The following RALGAPA2 variants were observed in gnomAD, a reference collection of about 807,000 sequenced individuals.
RALGAPA2 encodes ral GTPase-activating protein subunit alpha-2.
RALGAPA2 carries 139 observed loss-of-function variants against 230.4 expected under a neutral mutation model. The observed-to-expected ratio is 0.60, with a 90% CI of 0.53 to 0.69. RALGAPA2 has a LOEUF of 0.69. RALGAPA2 is among the 30% of genes least tolerant of loss of function. RALGAPA2 has a pLI of 0.00. For missense variants in RALGAPA2, 2,163 were observed against 2,276.0 expected, an observed-to-expected ratio of 0.95 and a Z score of 1.01; for synonymous variants, 847 against 837.8, an observed-to-expected ratio of 1.01 and a Z score of -0.19.
chr20:20,711,508 C>G (rs999629102), intron 1 of RALGAPA2, among the ~76,000 whole-genome samples: 10 of 152,154 alleles, frequency 6.6e-5, no homozygotes, highest in African/African-American at 2.2e-4. Context: ...ATAGCCTAGG[C>G]GAACCAGCTA....
At chr20:20,417,031 A>T (rs909238979) in intron 37 of RALGAPA2, among the ~76,000 whole-genome samples, 1 of 152,158 alleles carries the variant, frequency 6.6e-6, no homozygotes, top group Non-Finnish European at 1.5e-5. Context: ...AGCCATTCTC[A>T]TGACTCTAAC....
rs766186388 is a variant in RALGAPA2 at position 20,412,020 on chromosome 20, C to T, written c.5617+7G>A. On this transcript the variant is annotated splice_region_variant and intron_variant, in intron 38 of 39. Transcript: ENST00000202677. The stretch of plus-strand genomic sequence containing the variant: ...GCGCGTGAGAGAAGAATAATGTAGA[C>T]ACTCACCCGTTCCGCTGAGGGAGTA... The T allele has an allele frequency of 6.2e-7, 1 of 1,613,934 alleles. No individual in the cohort carries two copies. Among genetic ancestry groups the T allele is most frequent in the Non-Finnish European group, 8.5e-7 (1 of 1,179,826 alleles).
chr20:20,670,130 G>A (rs192037412), intron 3 of RALGAPA2, among the ~76,000 whole-genome samples: 2 of 152,340 alleles, frequency 1.3e-5, no homozygotes, highest in Admixed American at 6.5e-5. Flanking sequence ...CCATGAGGAC[G>A]GGAGGCTCTG....
intron 1 of RALGAPA2, among the ~76,000 whole-genome samples, chr20:20,709,281 T>C (rs1263364954): frequency 1.3e-5 from 2 of 151,422 alleles, no homozygotes; most frequent in Non-Finnish European, 2.9e-5. Flanking sequence ...ACGGCACCAC[T>C]GCACTCCAGC....
intron 37 of RALGAPA2, among the ~76,000 whole-genome samples, chr20:20,419,490 T>C (rs1268836335): frequency 6.6e-6 from 1 of 152,134 alleles, no homozygotes; most frequent in Non-Finnish European, 1.5e-5. Flanking sequence ...AGGGATTTCA[T>C]TTCAGAAATA....
At chr20:20,547,134 G>T (rs949043002) in intron 23 of RALGAPA2, among the ~76,000 whole-genome samples, 2 of 152,182 alleles carry the variant, frequency 1.3e-5, no homozygotes, top group African/African-American at 4.8e-5. Flanking sequence ...AGCTACAGGA[G>T]TAATGAGGTA....
rs750993022 is a variant in RALGAPA2, at chr20:20,591,147, T to A, written c.2341+30A>T. The A allele has an allele frequency of 2.5e-6, 4 of 1,607,836 alleles. No individual in the cohort carries two copies. The South Asian group carries it at 3.3e-5, about 13-fold the overall frequency. ...TTATTCCTCTGCCAGAATCTATAGT[T>A]CTGTATTAAACACTGAAGACATCAT... On this transcript the variant is annotated intron_variant, in intron 17 of 39. Transcript: ENST00000202677.
Position 20,653,531 on chromosome 20 carries a change from T to C in RALGAPA2, c.327A>G (p.Ile109Met), listed in dbSNP as rs747747326. 3.4e-6 allele frequency: 5 copies of C among 1,481,630 alleles called. No individual in the cohort carries two copies. The highest frequency in any genetic ancestry group is 1.2e-5 in the South Asian group (1 of 80,920). 91.8% of individuals were successfully genotyped at this position (1,481,630 alleles called of 1,614,324 possible). The change falls in exon 4 of 40, where the codon ATA becomes ATG. Residue 109 changes from isoleucine (I) to methionine (M), a missense_variant and splice_region_variant. By Grantham distance (10) the Ile-to-Met change is conservative (BLOSUM62 1). Transcript: ENST00000202677. Reference protein sequence around the residue: ...RIFFRWHYQSIGSTLKKLLHT... With the variant: ...RIFFRWHYQSMGSTLKKLLHT... ...TAAAAAATTTTTAATTGTTCTTACC[T>C]ATACTCTGGTAATGCCATCGAAAGA... is the stretch of plus-strand genomic sequence containing the variant.
At chr20:20,413,870 T>A (rs2060113395) in intron 37 of RALGAPA2, among the ~76,000 whole-genome samples, 1 of 152,244 alleles carries the variant, frequency 6.6e-6, no homozygotes, top group South Asian at 2.1e-4. Context: ...TGACTCGCCT[T>A]AATGAACAGG....
chr20:20,712,626 C>G lies in RALGAPA2; in HGVS notation c.-146G>C. On this transcript the variant is annotated 5_prime_UTR_variant, in exon 1 of 40. Transcript: ENST00000202677. This position sits in a 1 kb window ranked among gnomAD's most constrained non-coding sequence, Gnocchi z 5.5. ...GCTGCCGCCGCCGCCGCCGCCGCCGCCGCCTCAGCTGTGTCTCCAGGAAGG... is the reference window on the plus strand; with the variant it reads ...GCTGCCGCCGCCGCCGCCGCCGCCGGCGCCTCAGCTGTGTCTCCAGGAAGG... The G allele has an allele frequency of 8.4e-7, 1 of 1,190,426 alleles. No homozygotes were observed. Among genetic ancestry groups the G allele is most frequent in the Non-Finnish European group, 1.0e-6 (1 of 957,424 alleles). The allele number at this position is 1,190,426 out of a possible 1,614,324, so 73.7% of individuals were successfully genotyped here.
At chr20:20,664,856 T>G (rs941379223) in intron 3 of RALGAPA2, among the ~76,000 whole-genome samples, 1 of 152,160 alleles carries the variant, frequency 6.6e-6, no homozygotes, top group African/African-American at 2.4e-5. Context: ...ACCTGCAGGT[T>G]GTCTTGGGAC....
chr20:20,624,257 G>A (rs1008056362), intron 10 of RALGAPA2, among the ~76,000 whole-genome samples: 1 of 150,814 alleles, frequency 6.6e-6, no homozygotes, highest in African/African-American at 2.4e-5. Context: ...AACCCGGGAG[G>A]TGGAGGTTGC....
rs188271429 is a variant in RALGAPA2 at position 20,581,123 on chromosome 20, A to G, written c.2707+1927T>C. ...ATATTAGTATTTCAAAGAAGAACGG[A>G]GTATTTGGAGGAGTTAATCACAACA... On this transcript the variant is annotated intron_variant, in intron 20 of 39. Coordinates refer to ENST00000202677, the MANE Select transcript of RALGAPA2 (RefSeq NM_020343.4). Among the ~76,000 whole-genome samples, 155 of 152,320 alleles carry G rather than the reference A, an allele frequency of 1.0e-3. 1 individual carries two copies. Among genetic ancestry groups the G allele is most frequent in the South Asian group, 2.7e-3 (13 of 4,828 alleles).
At chr20:20,475,314 T>G (rs2061626405) in intron 36 of RALGAPA2, among the ~76,000 whole-genome samples, 1 of 152,178 alleles carries the variant, frequency 6.6e-6, no homozygotes, top group Non-Finnish European at 1.5e-5. Flanking sequence ...AAATCCTTTA[T>G]AATTTTTTTG....
rs116430496 is a variant in RALGAPA2, at chr20:20,541,817, A to C, written c.3285+4887T>G. On this transcript the variant is annotated intron_variant, in intron 24 of 39. Coordinates refer to ENST00000202677, the MANE Select transcript of RALGAPA2 (RefSeq NM_020343.4). ...TAGCCCACCTAGCCACACTGACAGAAAATGACCACCATGTGTGATATTATC... is the reference window on the plus strand; with the variant it reads ...TAGCCCACCTAGCCACACTGACAGACAATGACCACCATGTGTGATATTATC... Among the ~76,000 whole-genome samples, 525 of 152,350 alleles carry C rather than the reference A, an allele frequency of 3.4e-3. 2 individuals are homozygous for C. Among genetic ancestry groups the C allele is most frequent in the African/African-American group, 0.012 (505 of 41,582 alleles).
At chr20:20,536,923 G>T in intron 24 of RALGAPA2, 139 bp from the exon 25 acceptor site, 1 of 1,017,874 alleles carries the variant, frequency 9.8e-7, no homozygotes, top group Non-Finnish European at 1.4e-6. Flanking sequence ...GCATATTTAA[G>T]CAAAAGAGGT....
Position 20,526,378 on chromosome 20 carries a change from G to C in RALGAPA2, c.3583-16C>G. The C allele has an allele frequency of 6.6e-7, 1 of 1,506,262 alleles. No individual in the cohort carries two copies. Among genetic ancestry groups the C allele is most frequent in the Non-Finnish European group, 9.1e-7 (1 of 1,103,400 alleles). 93.3% of individuals were successfully genotyped at this position (1,506,262 alleles called of 1,614,324 possible). On this transcript the variant is annotated splice_polypyrimidine_tract_variant and intron_variant, in intron 27 of 39. Transcript: ENST00000202677. ...TGTTGGGAAACTATAAAAGGAAACCGAATCCCAAAGCAGACACATAACTTA... is the reference window on the plus strand; with the variant it reads ...TGTTGGGAAACTATAAAAGGAAACCCAATCCCAAAGCAGACACATAACTTA...
Position 20,712,600 on chromosome 20 carries a change from T to TGCTGCCGCCGCTGCCGCC in RALGAPA2, c.-121_-120insGGCGGCAGCGGCGGCAGC. On this transcript the variant is annotated 5_prime_UTR_variant, in exon 1 of 40. Transcript: ENST00000202677. The surrounding 1 kb of genome is among the most constrained non-coding windows in gnomAD (Gnocchi z 5.5). ...GGCCACTCGCCGCCCCCAGCCCCGC[T>TGCTGCCGCCGCTGCCGCC]GCTGCCGCCGCCGCCGCCGCCGCCG... 1 of 1,161,768 alleles carries TGCTGCCGCCGCTGCCGCC rather than the reference T, an allele frequency of 8.6e-7. No homozygotes were observed. The highest frequency in any genetic ancestry group is 1.1e-6 in the Non-Finnish European group (1 of 925,778). 72.0% of individuals were successfully genotyped at this position (1,161,768 alleles called of 1,614,324 possible). A position where few individuals can be genotyped will look rare whatever the true frequency, so the allele number is the denominator to read the frequency against.
In RALGAPA2 at chr20:20,663,190, G is replaced by A. The variant is rs151176909; in HGVS notation, c.271-9603C>T. Among the ~76,000 whole-genome samples the A allele has an allele frequency of 1.6e-4, 24 of 152,276 alleles. No homozygotes were observed. The East Asian group carries it at 1.9e-3, about 12-fold the overall frequency. Reference sequence around the variant, plus strand: ...ATACTCCACTGGTGGGGAAACTGAGGCTCTGAACAAAGTCTTAGGTAGTAG... The same window carrying A: ...ATACTCCACTGGTGGGGAAACTGAGACTCTGAACAAAGTCTTAGGTAGTAG... On this transcript the variant is annotated intron_variant, in intron 3 of 39. Transcript: ENST00000202677.
Sources: gnomAD v4.1 joint callset for allele counts (sites outside exome capture counted in the v4.1 genomes callset) on GRCh38, gnomAD v4.1.1 for gene constraint, Gnocchi (gnomAD v3.1) non-coding constraint, MANE v1.5 for transcripts, NCBI Gene and HGNC (gene_info 2026-07-23, HGNC 2026-07-21) for gene names.